The following SLC44A5 variants were observed in gnomAD, a reference collection of about 807,000 sequenced individuals.
SLC44A5 encodes the protein choline transporter-like protein 5.
A neutral mutation model predicts 101.8 loss-of-function variants in SLC44A5; 57 were observed. The ratio of observed to expected loss-of-function variants is 0.56; its 90% CI spans 0.45 to 0.70. The LOEUF (loss-of-function observed/expected upper bound fraction) is 0.70, where lower values mean the gene tolerates loss of function less well. Ranked by LOEUF, SLC44A5 falls within the 30% of genes least tolerant of loss-of-function variation. The pLI, the probability that SLC44A5 is intolerant of heterozygous loss-of-function variation, is 0.00. For missense variants in SLC44A5, 737 were observed against 853.1 expected, an observed-to-expected ratio of 0.86 and a Z score of 1.70; for synonymous variants, 281 against 290.9, an observed-to-expected ratio of 0.97 and a Z score of 0.35.
At chr1:75,562,187 G>A (rs1557909828) in intron 1 of SLC44A5, among the ~76,000 whole-genome samples, 1 of 151,994 alleles carries the variant, frequency 6.6e-6, no homozygotes, top group East Asian at 1.9e-4. Flanking sequence ...CCTTCTTGGA[G>A]GTAGTCATAT....
intron 5 of SLC44A5, 72 bp from the exon 6 acceptor site, chr1:75,275,114 G>C (rs2100748471): frequency 9.1e-7 from 1 of 1,103,426 alleles, no homozygotes; most frequent in East Asian, 2.5e-5. Context: ...TGAGATATTA[G>C]AATGCACCAC....
chr1:75,252,295 G>GTAGT (rs1649641970), intron 6 of SLC44A5, among the ~76,000 whole-genome samples: 1 of 152,194 alleles, frequency 6.6e-6, no homozygotes, highest in South Asian at 2.1e-4. Context: ...GTGACTACAT[G>GTAGT]CATAGCACAA....
intron 3 of SLC44A5, among the ~76,000 whole-genome samples, chr1:75,369,035 C>T (rs1307670110): frequency 1.3e-5 from 2 of 150,832 alleles, no homozygotes; most frequent in African/African-American, 2.4e-5. Context: ...TTTTTAAAGA[C>T]AGGTTCTCAC....
intron 4 of SLC44A5, among the ~76,000 whole-genome samples, chr1:75,333,838 A>G (rs1657241052): frequency 6.7e-6 from 1 of 148,778 alleles, no homozygotes. Flanking sequence ...AGACATTCCA[A>G]GAAGAGCCAA....
intron 1 of SLC44A5, among the ~76,000 whole-genome samples, chr1:75,565,541 C>T (rs1009952706): frequency 1.3e-5 from 2 of 152,158 alleles, no homozygotes; most frequent in Non-Finnish European, 2.9e-5. Flanking sequence ...GTAAAGGGGT[C>T]CTTGGCAGAA....
At chr1:75,320,486 C>T (rs1366720335) in intron 4 of SLC44A5, among the ~76,000 whole-genome samples, 1 of 152,036 alleles carries the variant, frequency 6.6e-6, no homozygotes, top group Non-Finnish European at 1.5e-5. Flanking sequence ...GTATTGTACT[C>T]TAAAAGGCTT....
chr1:75,269,937 C>T (rs541506344), intron 6 of SLC44A5, among the ~76,000 whole-genome samples: 29 of 152,232 alleles, frequency 1.9e-4, no homozygotes, highest in African/African-American at 7.0e-4. Context: ...TTCTCCCATG[C>T]AGTTCTGTTA....
the SLC44A5 span, among the ~76,000 whole-genome samples, chr1:75,674,438 G>A: frequency 1.3e-5 from 2 of 151,978 alleles, no homozygotes; most frequent in South Asian, 4.1e-4. Flanking sequence ...GGAGTGCAAT[G>A]GCACGATCTC....
chr1:75,280,494 TTA>T (rs1306496547), intron 5 of SLC44A5, among the ~76,000 whole-genome samples: 1 of 113,424 alleles, frequency 8.8e-6, no homozygotes, highest in Admixed American at 1.3e-4. Flanking sequence ...ATTATATATA[TTA>T]TATATATATA....
chr1:75,299,477 A>G (rs939269856), intron 5 of SLC44A5, among the ~76,000 whole-genome samples: 1 of 152,192 alleles, frequency 6.6e-6, no homozygotes, highest in African/African-American at 2.4e-5. Context: ...TTAGGATATA[A>G]CTTTCTTTCT....
chr1:75,339,258 C>G (rs2101029633), intron 4 of SLC44A5, among the ~76,000 whole-genome samples: 1 of 152,230 alleles, frequency 6.6e-6, no homozygotes, highest in East Asian at 1.9e-4. Context: ...CATAAAACAA[C>G]TACTTGAATG....
intron 1 of SLC44A5, among the ~76,000 whole-genome samples, chr1:75,551,578 CT>C: frequency 6.6e-6 from 1 of 152,142 alleles, no homozygotes; most frequent in African/African-American, 2.4e-5. Flanking sequence ...TATAATCAGA[CT>C]CTTGTAAGTT....
the SLC44A5 span, chr1:75,641,432 C>T: frequency 8.1e-7 from 1 of 1,239,718 alleles, no homozygotes; most frequent in Admixed American, 1.7e-5. Context: ...ATAAGCACTA[C>T]TTCTACTGCC....
At chr1:75,610,183 G>A (rs1209886690) in intron 1 of SLC44A5, among the ~76,000 whole-genome samples, 1 of 135,458 alleles carries the variant, frequency 7.4e-6, no homozygotes, top group Non-Finnish European at 1.6e-5. Flanking sequence ...ACATAGTGAA[G>A]TCTGAATATA....
At chr1:75,290,962 G>A (rs1346705422) in intron 5 of SLC44A5, among the ~76,000 whole-genome samples, 1 of 152,174 alleles carries the variant, frequency 6.6e-6, no homozygotes, top group African/African-American at 2.4e-5. Flanking sequence ...TGAATTGGAA[G>A]GAGAGTAGGA....
chr1:75,268,675 AAT>A (rs1288083445), intron 6 of SLC44A5, among the ~76,000 whole-genome samples: 2 of 152,194 alleles, frequency 1.3e-5, no homozygotes, highest in Non-Finnish European at 2.9e-5. Flanking sequence ...CATATATGTG[AAT>A]ATAGAGTATA....
chr1:75,693,076 A>G, the SLC44A5 span, among the ~76,000 whole-genome samples: 5 of 152,218 alleles, frequency 3.3e-5, no homozygotes, highest in African/African-American at 9.6e-5. Flanking sequence ...TAAAGATAGT[A>G]GGGCAATGGA....
intron 1 of SLC44A5, among the ~76,000 whole-genome samples, chr1:75,553,334 T>C (rs984133232): frequency 5.9e-5 from 9 of 152,170 alleles, no homozygotes; most frequent in Non-Finnish European, 1.2e-4. Context: ...AATTTTTTCA[T>C]TGTTTTTTCA....
chr1:75,463,419 C>CAAAAA (rs34371845), intron 2 of SLC44A5, among the ~76,000 whole-genome samples: 2 of 70,000 alleles, frequency 2.9e-5, no homozygotes, highest in Admixed American at 2.2e-4. Flanking sequence ...GACTCTGTCT[C>CAAAAA]AAAAAAAAAA....
Sources: gnomAD v4.1 joint callset for allele counts (sites outside exome capture counted in the v4.1 genomes callset) on GRCh38, gnomAD v4.1.1 for gene constraint, MANE v1.5 for transcripts, NCBI Gene and HGNC (gene_info 2026-07-23, HGNC 2026-07-21) for gene names.